Variants in AK4 observed in about 807,000 individuals in gnomAD.
The protein encoded by AK4 is adenylate kinase 4, mitochondrial.
A neutral mutation model predicts 24.6 loss-of-function variants in AK4; 13 were observed. That is an observed-to-expected ratio of 0.53 (90% confidence interval 0.34 to 0.84). The LOEUF is 0.84. Among genes scored for constraint, AK4 ranks in the 40% least tolerant of loss-of-function variants. The pLI, the probability that AK4 is intolerant of heterozygous loss-of-function variation, is 0.01. For synonymous variants in AK4, 88 were observed against 107.0 expected, an observed-to-expected ratio of 0.82 and a Z score of 1.10; for missense variants, 192 against 288.2, an observed-to-expected ratio of 0.67 and a Z score of 2.42.
At chr1:65,161,246 T>C (rs1192774055) in intron 1 of AK4, among the ~76,000 whole-genome samples, 1 of 152,176 alleles carries the variant, frequency 6.6e-6, no homozygotes, top group Non-Finnish European at 1.5e-5. Flanking sequence ...GAATAATGCC[T>C]GAACTTGGTG....
chr1:65,188,963 TAG>T (rs1651198433), intron 1 of AK4, among the ~76,000 whole-genome samples: 1 of 152,052 alleles, frequency 6.6e-6, no homozygotes, highest in African/African-American at 2.4e-5. Context: ...TTTTTTGCGA[TAG>T]AGTCTTGCTC....
At chr1:65,216,502 C>T (rs1190460860) in intron 2 of AK4, among the ~76,000 whole-genome samples, 1 of 152,182 alleles carries the variant, frequency 6.6e-6, no homozygotes, top group Admixed American at 6.5e-5. Context: ...TATTTTCTTT[C>T]TGTACTTCAG....
rs75804983 is a variant in AK4 at position 65,182,963 on chromosome 1, C to G, written c.146-7747C>G. Among the ~76,000 whole-genome samples the G allele has an allele frequency of 2.2e-4, 34 of 152,206 alleles. No individual in the cohort carries two copies. The East Asian group carries it at 4.6e-3, about 21-fold the overall frequency. The stretch of plus-strand genomic sequence containing the variant: ...CTGACACAGAGTAAAATTCCATGAA[C>G]TTTTGCTATTGAAAGCTTTTGGTGG... On this transcript the variant is annotated intron_variant, in intron 1 of 4. Transcript: ENST00000327299.
At chr1:65,158,997 T>C (rs889074744) in intron 1 of AK4, among the ~76,000 whole-genome samples, 16 of 152,352 alleles carry the variant, frequency 1.1e-4, no homozygotes, top group East Asian at 1.9e-4. Flanking sequence ...CAGTCTCACC[T>C]CTAAGTTCTG....
At position 65,218,866 on chromosome 1, in the gene AK4, T is replaced by C. The variant is rs866464970; in HGVS notation, c.378T>C (p.Arg126=). ...CACTTAAAGATCGTCTCAGCCGCCG[T>C]TGGATTCACCCTCCTAGCGGAAGGG... The part of the protein sequence containing the change: ...FETLKDRLSR[R]WIHPPSGRVY... The change falls in exon 3 of 5, where the codon CGT becomes CGC. Residue 126 remains arginine, a synonymous_variant. Transcript: ENST00000327299. 1.9e-6 allele frequency: 3 copies of C among 1,610,484 alleles called. No individual in the cohort carries two copies. The African/African-American group carries it at 4.0e-5, about 22-fold the overall frequency.
chr1:65,192,495 C>T (rs1651336910), intron 2 of AK4, among the ~76,000 whole-genome samples: 1 of 152,158 alleles, frequency 6.6e-6, no homozygotes, highest in African/African-American at 2.4e-5. Context: ...GACATTCAAA[C>T]CTTAGCATTC....
chr1:65,164,026 C>A (rs1000146782), intron 1 of AK4, among the ~76,000 whole-genome samples: 1 of 151,920 alleles, frequency 6.6e-6, no homozygotes, highest in Non-Finnish European at 1.5e-5. Context: ...TGATGTTATC[C>A]CCAGGAGCAA....
intron 2 of AK4, among the ~76,000 whole-genome samples, chr1:65,206,520 G>A (rs1651816416): frequency 6.6e-6 from 1 of 152,256 alleles, no homozygotes; most frequent in South Asian, 2.1e-4. Flanking sequence ...AGGCCAAAGA[G>A]GAGAATCACT....
chr1:65,188,994 C>T (rs555115743), intron 1 of AK4, among the ~76,000 whole-genome samples: 13 of 151,980 alleles, frequency 8.6e-5, no homozygotes, highest in Non-Finnish European at 1.3e-4. Context: ...AGTGCAGTGG[C>T]GCAGTCTTGG....
At chr1:65,200,103 T>TTTTTG (rs10676984) in intron 2 of AK4, among the ~76,000 whole-genome samples, 16,508 of 149,714 alleles carry the variant, frequency 0.11, 1,909 homozygotes, top group African/African-American at 0.3. Context: ...AGGTAACAGG[T>TTTTTG]TTTTGTTTTG....
intron 1 of AK4, among the ~76,000 whole-genome samples, chr1:65,159,150 C>G (rs1341718299): frequency 6.6e-6 from 1 of 152,234 alleles, no homozygotes; most frequent in East Asian, 1.9e-4. Context: ...TTCTGATCTT[C>G]AGCACCTTCT....
At chr1:65,182,549 G>C (rs74080317) in intron 1 of AK4, among the ~76,000 whole-genome samples, 1 of 151,338 alleles carries the variant, frequency 6.6e-6, no homozygotes, top group African/African-American at 2.4e-5. Context: ...AAAAAAAAAA[G>C]ACCTCATTTG....
chr1:65,149,676 T>TTTA, intron 1 of AK4, among the ~76,000 whole-genome samples: 1 of 152,276 alleles, frequency 6.6e-6, no homozygotes, highest in South Asian at 2.1e-4. Context: ...AAGGAAAGCT[T>TTTA]AAAAGCAAGG....
intron 2 of AK4, among the ~76,000 whole-genome samples, chr1:65,210,524 G>A (rs1651941820): frequency 6.6e-6 from 1 of 152,104 alleles, no homozygotes; most frequent in Non-Finnish European, 1.5e-5. Flanking sequence ...CTGTATTAAA[G>A]AAAACCTAGA....
chr1:65,219,036 C>T (rs1302129474), intron 3 of AK4, 110 bp downstream of exon 3: 1 of 762,162 alleles, frequency 1.3e-6, no homozygotes, highest in Admixed American at 4.1e-5. Context: ...AACAAATCTA[C>T]ATGACCAAAA....
chr1:65,204,203 AT>A (rs35676370), intron 2 of AK4, among the ~76,000 whole-genome samples: 4,943 of 143,766 alleles, frequency 0.034, 214 homozygotes, highest in African/African-American at 0.11. Flanking sequence ...ATCTTACTGA[AT>A]TTTTTTTTTT....
intron 2 of AK4, among the ~76,000 whole-genome samples, chr1:65,195,656 G>A: frequency 6.6e-6 from 1 of 152,094 alleles, no homozygotes; most frequent in East Asian, 1.9e-4. Flanking sequence ...TGGGCCTCTG[G>A]TTGCTCATGA....
At chr1:65,195,748 A>G (rs1439466059) in intron 2 of AK4, among the ~76,000 whole-genome samples, 2 of 152,204 alleles carry the variant, frequency 1.3e-5, no homozygotes, top group Admixed American at 6.5e-5. Context: ...TAAGTGCTGT[A>G]TGAGTGTTTG....
At chr1:65,174,450 CTTA>C (rs959966418) in intron 1 of AK4, among the ~76,000 whole-genome samples, 17 of 152,116 alleles carry the variant, frequency 1.1e-4, no homozygotes, top group South Asian at 6.2e-4. Context: ...AGTGTCAGGA[CTTA>C]TTATTATTTT....
Sources: allele counts gnomAD v4.1 joint callset (sites outside exome capture counted in the v4.1 genomes callset), GRCh38; gene constraint gnomAD v4.1.1; transcripts MANE v1.5; gene names NCBI Gene and HGNC (gene_info 2026-07-23, HGNC 2026-07-21).